MYO1B: variants seen among roughly 807,000 people sequenced by gnomAD.
The protein encoded by MYO1B is unconventional myosin-Ib.
Under a neutral mutation model 159.7 loss-of-function variants are expected in MYO1B, and 72 were observed. The ratio of observed to expected loss-of-function variants is 0.45; its 90% CI spans 0.37 to 0.55. MYO1B has a LOEUF of 0.55. Among genes scored for constraint, MYO1B ranks in the 20% least tolerant of loss-of-function variants. MYO1B has a pLI of 0.00. For missense variants in MYO1B, 1,062 were observed against 1,364.8 expected (o/e 0.78, Z 3.50); for synonymous variants, 468 against 473.8 (o/e 0.99, Z 0.16).
intron 2 of MYO1B, among the ~76,000 whole-genome samples, chr2:191,295,699 G>T (rs985101494): frequency 2.0e-5 from 3 of 152,070 alleles, no homozygotes; most frequent in African/African-American, 7.2e-5. Context: ...CTGGGATACT[G>T]TTGACTAAAA....
intron 3 of MYO1B, among the ~76,000 whole-genome samples, chr2:191,297,712 A>T (rs1383534777): frequency 1.3e-5 from 2 of 152,192 alleles, no homozygotes; most frequent in East Asian, 3.8e-4. Flanking sequence ...TAAGCTGGCA[A>T]TTTGGGTCAC....
rs760264478 is a variant in MYO1B, at chr2:191,386,039, G to T, written c.1509G>T (p.Thr503=). The stretch of plus-strand genomic sequence containing the variant: ...AGTGCTCTCGGTTCCTCAATGACAC[G>T]TCTCTGCCTCACAGCTGCTTCAGGA... ...MSKCSRFLND[T]SLPHSCFRIQ... The change falls in exon 16 of 31, where the codon ACG becomes ACT. Residue 503 remains threonine, a synonymous_variant. Coordinates refer to ENST00000392318, the MANE Select transcript of MYO1B (RefSeq NM_001130158.3). The T allele has an allele frequency of 2.5e-6, 4 of 1,613,960 alleles. No homozygotes were observed. The highest frequency in any genetic ancestry group is 3.4e-6 in the Non-Finnish European group (4 of 1,180,010).
intron 1 of MYO1B, among the ~76,000 whole-genome samples, chr2:191,250,620 T>C (rs1686052016): frequency 6.6e-6 from 1 of 152,252 alleles, no homozygotes; most frequent in African/African-American, 2.4e-5. Context: ...ATGATATTAT[T>C]CATGCTACTG....
At chr2:191,343,099 C>G (rs549823238) in intron 5 of MYO1B, among the ~76,000 whole-genome samples, 1 of 152,186 alleles carries the variant, frequency 6.6e-6, no homozygotes, top group South Asian at 2.1e-4. Flanking sequence ...GCACCCCTGC[C>G]CCTAGTTGTT....
At chr2:191,328,576 T>C (rs1246773369) in intron 3 of MYO1B, among the ~76,000 whole-genome samples, 1 of 152,272 alleles carries the variant, frequency 6.6e-6, no homozygotes, top group East Asian at 1.9e-4. Flanking sequence ...GAGGCAGTTC[T>C]GGTACATGGT....
intron 30 of MYO1B, among the ~76,000 whole-genome samples, chr2:191,421,557 C>T (rs1697944580): frequency 6.6e-6 from 1 of 152,172 alleles, no homozygotes; most frequent in South Asian, 2.1e-4. Context: ...AATGCAGCCT[C>T]CTCTGCCTCC....
At chr2:191,343,031 C>T (rs1320695817) in intron 5 of MYO1B, among the ~76,000 whole-genome samples, 1 of 152,110 alleles carries the variant, frequency 6.6e-6, no homozygotes, top group African/African-American at 2.4e-5. Context: ...GGAAGGGTGT[C>T]CTGTGCATTG....
chr2:191,298,678 AAG>A (rs1689128245), intron 3 of MYO1B, among the ~76,000 whole-genome samples: 9 of 152,212 alleles, frequency 5.9e-5, no homozygotes, highest in Non-Finnish European at 1.2e-4. Context: ...GTAATAATAA[AAG>A]TATTTATGGC....
intron 29 of MYO1B, among the ~76,000 whole-genome samples, chr2:191,415,582 G>GTTT (rs139352098): frequency 6.9e-6 from 1 of 144,348 alleles, no homozygotes; most frequent in African/African-American, 2.5e-5. Flanking sequence ...CAAGCATCAT[G>GTTT]TTTTTTTTTT....
intron 30 of MYO1B, among the ~76,000 whole-genome samples, chr2:191,423,170 A>G (rs1002972234): frequency 2.6e-5 from 4 of 152,160 alleles, no homozygotes; most frequent in Admixed American, 6.5e-5. Flanking sequence ...TTGTGCAAAC[A>G]TCATAGAGTG....
intron 1 of MYO1B, among the ~76,000 whole-genome samples, chr2:191,253,985 A>G (rs1686284280): frequency 6.6e-6 from 1 of 152,118 alleles, no homozygotes; most frequent in East Asian, 1.9e-4. Flanking sequence ...AAGGTGCTTC[A>G]TGGTTTCTGT....
Position 191,360,740 on chromosome 2 carries a change from G to C in MYO1B, c.661+11G>C. 7.0e-7 allele frequency: 1 copy of C among 1,425,340 alleles called. No individual in the cohort carries two copies. Among genetic ancestry groups the C allele is most frequent in the Non-Finnish European group, 9.7e-7 (1 of 1,028,166 alleles). 88.3% of individuals were successfully genotyped at this position (1,425,340 alleles called of 1,614,324 possible). On this transcript the variant is annotated intron_variant, in intron 8 of 30. Transcript: ENST00000392318. ...CTGAAGAGCTCCTCAGTAAGTCTCT[G>C]TTTCTATGTGGTGTTGTTGTTGTTG...
Position 191,416,240 on chromosome 2 carries a change from T to C in MYO1B, c.3285T>C (p.Asp1095=), listed in dbSNP as rs575762894. ...AGAAGCTCAATATTGAGATTTCCGATGAGTACGTTCATGTATTGTTTGAAA... is the reference window on the plus strand; with the variant it reads ...AGAAGCTCAATATTGAGATTTCCGACGAGTACGTTCATGTATTGTTTGAAA... ...TKQKLNIEIS[D]EFLVQFRQDK... Residue 1095 remains aspartate (D), a splice_region_variant and synonymous_variant, in exon 30 of 31, where the codon GAT becomes GAC. Coordinates refer to ENST00000392318, the MANE Select transcript of MYO1B (RefSeq NM_001130158.3). The C allele has an allele frequency of 5.6e-6, 9 of 1,614,088 alleles. No individual in the cohort carries two copies. The highest frequency in any genetic ancestry group is 2.7e-5 in the African/African-American group (2 of 75,052).
intron 6 of MYO1B, among the ~76,000 whole-genome samples, chr2:191,347,316 C>T (rs1421992294): frequency 6.6e-6 from 1 of 152,150 alleles, no homozygotes; most frequent in Non-Finnish European, 1.5e-5. Context: ...ATCAGATTAG[C>T]CCCTTAAGTT....
In MYO1B at chr2:191,314,374, A is replaced by ATGTGATTAT. The variant is rs569312063; in HGVS notation, c.252-15558_252-15550dup. Among the ~76,000 whole-genome samples the ATGTGATTAT allele has an allele frequency of 8.5e-4, 129 of 152,350 alleles. 1 individual carries two copies. In the East Asian group the frequency reaches 0.013, roughly 16 times the overall value. On this transcript the variant is annotated intron_variant, in intron 3 of 30. Coordinates refer to ENST00000392318, the MANE Select transcript of MYO1B (RefSeq NM_001130158.3). ...GCTATTGCTTACAGAAATAGTTGAT[A>ATGTGATTAT]TGTGATTATTGGTGATTATTTGAAG... is the stretch of plus-strand genomic sequence containing the variant.
chr2:191,280,935 T>G (rs1688022072), intron 2 of MYO1B, among the ~76,000 whole-genome samples: 1 of 152,210 alleles, frequency 6.6e-6, no homozygotes, highest in Admixed American at 6.5e-5. Context: ...CTTCTCAGAC[T>G]TTTCTGCTGG....
chr2:191,271,806 A>G (rs1003126897), intron 1 of MYO1B, among the ~76,000 whole-genome samples: 1 of 152,196 alleles, frequency 6.6e-6, no homozygotes, highest in African/African-American at 2.4e-5. Context: ...GATATTGAAT[A>G]GTGGAATTAC....
At chr2:191,275,980 A>T (rs2125738537) in intron 1 of MYO1B, among the ~76,000 whole-genome samples, 1 of 152,330 alleles carries the variant, frequency 6.6e-6, no homozygotes, top group South Asian at 2.1e-4. Flanking sequence ...GGCACCATGC[A>T]CATTAGTAGC....
chr2:191,377,938 GATTTCTGTGGGGAAGTAAGTTA>G (rs1486382725), intron 13 of MYO1B: 4 of 152,248 alleles, frequency 2.6e-5, no homozygotes, highest in African/African-American at 9.6e-5. Flanking sequence ...AATAGATGCT[GATTTCTGTGGGGAAGTAAGTTA>G]ATTTCTACAT....
Sources: gnomAD v4.1 joint callset for allele counts (sites outside exome capture counted in the v4.1 genomes callset) on GRCh38, gnomAD v4.1.1 for gene constraint, MANE v1.5 for transcripts, NCBI Gene and HGNC (gene_info 2026-07-23, HGNC 2026-07-21) for gene names.